Variants in SLC35A1 observed in about 807,000 individuals in gnomAD.
SLC35A1 encodes solute carrier family 35 member A1.
SLC35A1 carries 21 observed loss-of-function variants against 40.3 expected under a neutral mutation model. That is an observed-to-expected ratio of 0.52 (90% confidence interval 0.37 to 0.75). The LOEUF (loss-of-function observed/expected upper bound fraction) is 0.75, where lower values mean the gene tolerates loss of function less well. Ranked by LOEUF, SLC35A1 falls within the 30% of genes least tolerant of loss-of-function variation. The pLI, the probability that SLC35A1 is intolerant of heterozygous loss-of-function variation, is 0.00. For missense variants in SLC35A1, 297 were observed against 382.1 expected, an observed-to-expected ratio of 0.78 and a Z score of 1.86; for synonymous variants, 146 against 147.3, an observed-to-expected ratio of 0.99 and a Z score of 0.06.
chr6:87,496,462 G>A (rs1167884624), intron 2 of SLC35A1, among the ~76,000 whole-genome samples: 1 of 151,906 alleles, frequency 6.6e-6, no homozygotes, highest in Non-Finnish European at 1.5e-5. Context: ...GCTCATTAAG[G>A]TGCTTGTGAT....
In SLC35A1 at chr6:87,500,568, C is replaced by T; in HGVS notation, c.255C>T (p.Pro85=). ...ASLRENVLGS[P]KELLKLSVPS... is the part of the protein sequence containing the mutation. ...TAAGAGAAAATGTCTTGGGGAGCCC[C>T]AAGGAACTGTTGAAGTTAAGTGTGC... The change falls in exon 3 of 8, where the codon CCC becomes CCT. Residue 85 remains proline (P), a synonymous_variant. Transcript: ENST00000369552. The T allele has an allele frequency of 1.2e-6, 2 of 1,613,988 alleles. No individual in the cohort carries two copies. The highest frequency in any genetic ancestry group is 1.6e-4 in the Middle Eastern group (1 of 6,062).
At chr6:87,481,871 T>G (rs1482136023) in intron 2 of SLC35A1, among the ~76,000 whole-genome samples, 1 of 152,242 alleles carries the variant, frequency 6.6e-6, no homozygotes, top group African/African-American at 2.4e-5. Context: ...AGAATTTCCT[T>G]TACAATTAAC....
intron 1 of SLC35A1, among the ~76,000 whole-genome samples, chr6:87,473,370 G>C (rs576037117): frequency 2.2e-4 from 33 of 152,260 alleles, no homozygotes; most frequent in African/African-American, 7.7e-4. Context: ...GCATTACCCA[G>C]CGAGGCAGGA....
rs528570637 is a variant in SLC35A1 at position 87,492,185 on chromosome 6, T to C, written c.195-8323T>C. Among the ~76,000 whole-genome samples, 5 of 152,318 alleles carry C rather than the reference T, an allele frequency of 3.3e-5. No individual in the cohort carries two copies. In the East Asian group the frequency reaches 9.6e-4, roughly 29 times the overall value. On this transcript the variant is annotated intron_variant, in intron 2 of 7. Transcript: ENST00000369552. ...AATTGAGACATCAGTACTGATATAG[T>C]ACTATTACCTAATTCACGGACCTTA...
chr6:87,511,888 C>A lies in SLC35A1; in HGVS notation c.*362C>A. The A allele has an allele frequency of 3.2e-6, 1 of 313,682 alleles. No individual in the cohort carries two copies. Among genetic ancestry groups the A allele is most frequent in the Non-Finnish European group, 6.2e-6 (1 of 162,154 alleles). The allele number at this position is 313,682 out of a possible 1,614,324, so 19.4% of individuals were successfully genotyped here. A position where few individuals can be genotyped will look rare whatever the true frequency, so the allele number is the denominator to read the frequency against. On this transcript the variant is annotated 3_prime_UTR_variant, in exon 8 of 8. Transcript: ENST00000369552. ...ATGTCTAAGGGTTAAAGTGCCAAAG[C>A]CATTTCTGTACTAACTGTTCTCTTG... is the stretch of plus-strand genomic sequence containing the variant.
At chr6:87,502,589 T>TTAGC (rs1769952779) in intron 4 of SLC35A1, among the ~76,000 whole-genome samples, 1 of 152,200 alleles carries the variant, frequency 6.6e-6, no homozygotes, top group Admixed American at 6.5e-5. Flanking sequence ...AGTGGTAAGT[T>TTAGC]TAGCGTACCT....
chr6:87,489,558 T>G (rs1445297295), intron 2 of SLC35A1, among the ~76,000 whole-genome samples: 1 of 132,988 alleles, frequency 7.5e-6, no homozygotes, highest in East Asian at 2.2e-4. Flanking sequence ...TTTTTTTTTT[T>G]GTAGATGGAG....
chr6:87,499,108 CTTA>C, intron 2 of SLC35A1: 1 of 983,580 alleles, frequency 1.0e-6, no homozygotes, highest in South Asian at 4.7e-5. Flanking sequence ...AAGTTCCTGT[CTTA>C]TTAATTAAGC....
chr6:87,495,420 TCTA>T (rs1769696538), intron 2 of SLC35A1, among the ~76,000 whole-genome samples: 1 of 152,236 alleles, frequency 6.6e-6, no homozygotes, highest in African/African-American at 2.4e-5. Flanking sequence ...AGAAAATTAT[TCTA>T]CTGTTTCATA....
intron 2 of SLC35A1, among the ~76,000 whole-genome samples, chr6:87,489,986 T>C (rs1056253449): frequency 1.3e-5 from 2 of 152,058 alleles, no homozygotes; most frequent in Non-Finnish European, 1.5e-5. Flanking sequence ...CACAGCACTT[T>C]GGGAGGCCGA....
At chr6:87,487,727 A>G (rs1302599766) in intron 2 of SLC35A1, among the ~76,000 whole-genome samples, 1 of 152,230 alleles carries the variant, frequency 6.6e-6, no homozygotes, top group Non-Finnish European at 1.5e-5. Context: ...AATGCAAAAA[A>G]TGTGGTACTG....
intron 2 of SLC35A1, among the ~76,000 whole-genome samples, chr6:87,482,161 T>A (rs1769262568): frequency 6.6e-6 from 1 of 152,150 alleles, no homozygotes; most frequent in African/African-American, 2.4e-5. Flanking sequence ...CCTGTAAACA[T>A]CGCTTTCTTT....
intron 2 of SLC35A1, among the ~76,000 whole-genome samples, chr6:87,481,227 G>GAAA (rs1769233828): frequency 1.3e-5 from 2 of 152,080 alleles, no homozygotes. Context: ...GACCAGCCTG[G>GAAA]CCAACATGGA....
At chr6:87,474,231 T>C (rs1341158147) in intron 1 of SLC35A1, among the ~76,000 whole-genome samples, 2 of 152,248 alleles carry the variant, frequency 1.3e-5, no homozygotes, top group African/African-American at 4.8e-5. Flanking sequence ...TACATATTTG[T>C]TGAGCCTTGA....
chr6:87,505,491 ATCT>A (rs1448894329), intron 4 of SLC35A1, among the ~76,000 whole-genome samples: 2 of 152,194 alleles, frequency 1.3e-5, no homozygotes, highest in Non-Finnish European at 2.9e-5. Context: ...GTGTATTGTA[ATCT>A]TCTTTATTCA....
At chr6:87,498,896 T>A (rs973050630) in intron 2 of SLC35A1, among the ~76,000 whole-genome samples, 4 of 152,234 alleles carry the variant, frequency 2.6e-5, no homozygotes, top group African/African-American at 9.6e-5. Context: ...CCTGGAAAAC[T>A]CTCCTACATA....
intron 2 of SLC35A1, among the ~76,000 whole-genome samples, chr6:87,494,074 CTT>C (rs71018023): frequency 5.9e-4 from 87 of 148,430 alleles, no homozygotes; most frequent in Middle Eastern, 3.5e-3. Context: ...CCCCACTTTC[CTT>C]TTTTTTTTTT....
At chr6:87,478,449 G>C (rs1452257928) in intron 2 of SLC35A1, among the ~76,000 whole-genome samples, 1 of 152,218 alleles carries the variant, frequency 6.6e-6, no homozygotes, top group Non-Finnish European at 1.5e-5. Flanking sequence ...CAGTTAAGAA[G>C]TCATACAGGT....
chr6:87,489,706 T>C (rs1769489942), intron 2 of SLC35A1, among the ~76,000 whole-genome samples: 6 of 151,978 alleles, frequency 3.9e-5, no homozygotes, highest in Admixed American at 3.9e-4. Context: ...CACGCCTGGC[T>C]AATTTTTATA....
Sources: allele counts gnomAD v4.1 joint callset (sites outside exome capture counted in the v4.1 genomes callset), GRCh38; gene constraint gnomAD v4.1.1; transcripts MANE v1.5; gene names NCBI Gene and HGNC (gene_info 2026-07-23, HGNC 2026-07-21).